CHODL: variants seen among roughly 807,000 people sequenced by gnomAD.
CHODL encodes the protein chondrolectin, also known as transmembrane protein MT75.
CHODL carries 29 observed loss-of-function variants against 34.5 expected under a neutral mutation model. The ratio of observed to expected loss-of-function variants is 0.84; its 90% CI spans 0.63 to 1.15. The LOEUF (loss-of-function observed/expected upper bound fraction) is 1.15. Ranked by LOEUF, CHODL falls within the 50% of genes most tolerant of loss-of-function variation. CHODL has a pLI of 0.00. For synonymous variants in CHODL, 125 were observed against 116.1 expected, an observed-to-expected ratio of 1.08 and a Z score of -0.49; for missense variants, 332 against 332.5, an observed-to-expected ratio of 1.00 and a Z score of 0.01.
At chr21:18,041,281 C>T (rs1234605035) in intron 2 of CHODL, among the ~76,000 whole-genome samples, 4 of 151,820 alleles carry the variant, frequency 2.6e-5, no homozygotes, top group Non-Finnish European at 5.9e-5. Context: ...CTTAACTGAC[C>T]GTGATTGGCT....
At chr21:18,221,605 A>G (rs1334442299) in intron 2 of CHODL, among the ~76,000 whole-genome samples, 1 of 152,188 alleles carries the variant, frequency 6.6e-6, no homozygotes, top group African/African-American at 2.4e-5. Flanking sequence ...GTTAGGTACC[A>G]TAGTATAGTC....
chr21:18,240,059 A>G (rs12482150), upstream of CHODL, among the ~76,000 whole-genome samples: 1,193 of 152,182 alleles, frequency 7.8e-3, 51 homozygotes, highest in Admixed American at 0.069. Flanking sequence ...AGCGATTTCC[A>G]ACTTCTTTGA....
intron 1 of CHODL, among the ~76,000 whole-genome samples, chr21:17,950,247 C>T (rs181074879): frequency 5.3e-4 from 81 of 151,760 alleles, no homozygotes; most frequent in Non-Finnish European, 6.3e-4. Flanking sequence ...TTAAGGGAAA[C>T]GTTTTCTATA....
chr21:18,246,047 A>G, intron 1 of CHODL: 2 of 1,012,158 alleles, frequency 2.0e-6, no homozygotes, highest in East Asian at 2.6e-5. Context: ...GTTGTCTTTG[A>G]TTTTTCTTTT....
intron 1 of CHODL, among the ~76,000 whole-genome samples, chr21:17,923,104 A>AT (rs2063195106): frequency 6.6e-6 from 1 of 151,150 alleles, no homozygotes; most frequent in South Asian, 2.1e-4. Context: ...ATATGCATTT[A>AT]TCTCAGTGAG....
At chr21:17,959,992 T>C (rs1366122213) in intron 1 of CHODL, among the ~76,000 whole-genome samples, 5 of 152,096 alleles carry the variant, frequency 3.3e-5, no homozygotes, top group African/African-American at 1.2e-4. Flanking sequence ...TGGTGAACAG[T>C]GCGGGGGTGA....
intron 2 of CHODL, among the ~76,000 whole-genome samples, chr21:18,219,854 G>A (rs1198065706): frequency 6.6e-6 from 1 of 151,572 alleles, no homozygotes; most frequent in African/African-American, 2.4e-5. Flanking sequence ...TAGATAGTTT[G>A]CAAATATTTT....
chr21:17,979,299 G>A (rs922114228), intron 1 of CHODL, among the ~76,000 whole-genome samples: 1 of 152,064 alleles, frequency 6.6e-6, no homozygotes, highest in African/African-American at 2.4e-5. Context: ...GATAATTTTT[G>A]TTAGATCAAA....
At chr21:17,986,443 C>T (rs197552) in intron 1 of CHODL, among the ~76,000 whole-genome samples, 82,288 of 151,728 alleles carry the variant, frequency 0.54, 23,150 homozygotes, top group African/African-American at 0.68. Flanking sequence ...TGATGGTTTG[C>T]TGAGAATGAT....
chr21:18,240,922 G>A (rs1479229682), upstream of CHODL, among the ~76,000 whole-genome samples: 1 of 152,074 alleles, frequency 6.6e-6, no homozygotes, highest in South Asian at 2.1e-4. Context: ...AGAAAATCAT[G>A]TGTATTAATG....
At chr21:18,112,883 A>C (rs2065368561) in intron 2 of CHODL, among the ~76,000 whole-genome samples, 2 of 152,216 alleles carry the variant, frequency 1.3e-5, no homozygotes, top group African/African-American at 4.8e-5. Flanking sequence ...ATACCCTAAG[A>C]GCACAGGCAA....
At chr21:18,160,722 C>G (rs1226272611) in intron 2 of CHODL, among the ~76,000 whole-genome samples, 1 of 152,150 alleles carries the variant, frequency 6.6e-6, no homozygotes, top group Non-Finnish European at 1.5e-5. Context: ...TTTTCTTTAT[C>G]CAGTCTATCA....
rs146969827 is a variant in CHODL, at chr21:18,185,105, T to C, written c.-44-71404T>C. Among the ~76,000 whole-genome samples the C allele has an allele frequency of 4.1e-3, 619 of 152,242 alleles. 4 individuals carry two copies. The highest frequency in any genetic ancestry group is 0.027 in the Middle Eastern group (8 of 292). On this transcript the variant is annotated intron_variant, in intron 2 of 6. Coordinates refer to the CHODL transcript ENST00000400127. Reference sequence around the variant, plus strand: ...TTGTTACATAGGTATACACGTGCCATGGTGGTTTGCTGCACCCATCAACCT... The same window carrying C: ...TTGTTACATAGGTATACACGTGCCACGGTGGTTTGCTGCACCCATCAACCT...
At chr21:17,958,946 A>T (rs197543) in intron 1 of CHODL, among the ~76,000 whole-genome samples, 104,458 of 151,796 alleles carry the variant, frequency 0.69, 36,088 homozygotes, top group East Asian at 0.92. Context: ...CTGACACTAC[A>T]CTGTCCCATG....
At chr21:18,209,654 G>A (rs1473308561) in intron 2 of CHODL, among the ~76,000 whole-genome samples, 1 of 152,256 alleles carries the variant, frequency 6.6e-6, no homozygotes, top group African/African-American at 2.4e-5. Context: ...AGCCAGCACA[G>A]CTCTGAGTCT....
rs185806355 is a variant in CHODL at position 17,931,328 on chromosome 21, T to C, written c.-145+13928T>C. Among the ~76,000 whole-genome samples, 421 of 152,300 alleles carry C rather than the reference T, an allele frequency of 2.8e-3. 3 individuals carry two copies. Among genetic ancestry groups the C allele is most frequent in the African/African-American group, 9.4e-3 (391 of 41,566 alleles). ...CGATACAAAACATGCTAACAAGAAG[T>C]ACACAAGGCTAAAGAATAAAAGCTA... On this transcript the variant is annotated intron_variant, in intron 1 of 6. Transcript: ENST00000400127.
intron 2 of CHODL, among the ~76,000 whole-genome samples, chr21:18,073,339 A>G (rs1346145602): frequency 6.6e-6 from 1 of 152,122 alleles, no homozygotes; most frequent in African/African-American, 2.4e-5. Context: ...CAGCAAGTGA[A>G]ATTGGTTGCA....
chr21:18,097,782 A>G (rs1342415517), intron 2 of CHODL, among the ~76,000 whole-genome samples: 1 of 152,140 alleles, frequency 6.6e-6, no homozygotes, highest in African/African-American at 2.4e-5. Context: ...CAAAAAGAAC[A>G]AAACTAGTGG....
intron 2 of CHODL, among the ~76,000 whole-genome samples, chr21:18,130,905 T>C (rs1299903599): frequency 6.6e-6 from 1 of 152,192 alleles, no homozygotes; most frequent in African/African-American, 2.4e-5. Context: ...TTTATTTTGT[T>C]AAAGAATCTG....
Sources: allele counts gnomAD v4.1 joint callset (sites outside exome capture counted in the v4.1 genomes callset), GRCh38; gene constraint gnomAD v4.1.1; transcripts MANE v1.5; gene names NCBI Gene and HGNC (gene_info 2026-07-23, HGNC 2026-07-21).